The following RIOX2 variants were observed in gnomAD, a reference collection of about 807,000 sequenced individuals.
RIOX2 encodes ribosomal oxygenase 2, also known as 60S ribosomal protein L27a histidine hydroxylase.
RIOX2 carries 43 observed loss-of-function variants against 51.2 expected under a neutral mutation model. That is an observed-to-expected ratio of 0.84 (90% CI 0.66 to 1.08). The LOEUF is 1.08. RIOX2 is among the 50% of genes least tolerant of loss of function. The pLI is 0.00. For synonymous variants in RIOX2, 226 were observed against 218.5 expected, an observed-to-expected ratio of 1.03 and a Z score of -0.30; for missense variants, 566 against 561.7, an observed-to-expected ratio of 1.01 and a Z score of -0.08.
chr3:97,954,938 C>A (rs1705397725), intron 4 of RIOX2, among the ~76,000 whole-genome samples: 1 of 152,142 alleles, frequency 6.6e-6, no homozygotes, highest in African/African-American at 2.4e-5. Flanking sequence ...CTGCCCAAAG[C>A]CTCAGTTTCT....
chr3:97,943,059 T>G lies in RIOX2; in HGVS notation c.*2125A>C. ...AGTCATAATAAGGTCCAATTTGAGG[T>G]GAATAATGGCTAAGCCTGTTCAAAC... On this transcript the variant is annotated 3_prime_UTR_variant, in exon 10 of 10. Coordinates refer to ENST00000394198, the MANE Select transcript of RIOX2 (RefSeq NM_153182.4). 1 of 577,178 alleles carries G rather than the reference T, an allele frequency of 1.7e-6. No homozygotes were observed. Among genetic ancestry groups the G allele is most frequent in the East Asian group, 2.9e-5 (1 of 33,952 alleles). The allele number at this position is 577,178 out of a possible 1,614,324, so 35.8% of individuals were successfully genotyped here.
chr3:97,963,387 C>T (rs1705756486), intron 2 of RIOX2, among the ~76,000 whole-genome samples: 1 of 152,206 alleles, frequency 6.6e-6, no homozygotes. Flanking sequence ...TCTGACCTCC[C>T]AAAGTGCTGG....
intron 6 of RIOX2, 119 bp downstream of exon 6, chr3:97,950,664 TGCA>T: frequency 2.7e-6 from 2 of 740,570 alleles, no homozygotes; most frequent in Non-Finnish European, 4.7e-6. Context: ...AGCTCAGCAG[TGCA>T]GCACAGTAGA....
At position 97,967,632 on chromosome 3, in the gene RIOX2, C is replaced by A; in HGVS notation, c.-39G>T. On this transcript the variant is annotated splice_region_variant and 5_prime_UTR_variant, in exon 2 of 10. Coordinates refer to ENST00000394198, the MANE Select transcript of RIOX2 (RefSeq NM_153182.4). ...AGACAAAGCAGTAAGGAAATGCAAA[C>A]CTACCAAAAGAACAAAACACACATG... 2 of 1,517,024 alleles carry A rather than the reference C, an allele frequency of 1.3e-6. No individual in the cohort carries two copies. Among genetic ancestry groups the A allele is most frequent in the Non-Finnish European group, 1.8e-6 (2 of 1,140,796 alleles). 94.0% of individuals were successfully genotyped at this position (1,517,024 alleles called of 1,614,324 possible).
chr3:97,968,335 A>G (rs1705981816), intron 1 of RIOX2, among the ~76,000 whole-genome samples: 2 of 152,256 alleles, frequency 1.3e-5, no homozygotes, highest in East Asian at 3.8e-4. Context: ...AGTGAAGGCT[A>G]AAAGTAGTTA....
At chr3:97,957,421 G>A (rs745362728) in intron 4 of RIOX2, among the ~76,000 whole-genome samples, 4 of 151,812 alleles carry the variant, frequency 2.6e-5, no homozygotes, top group Non-Finnish European at 4.4e-5. Flanking sequence ...GCTTGAACCC[G>A]GGAGGCGGAG....
intron 2 of RIOX2, among the ~76,000 whole-genome samples, chr3:97,962,154 T>A (rs947826599): frequency 6.6e-6 from 1 of 151,924 alleles, no homozygotes. Context: ...AAGAGTGGGA[T>A]GCACTCTAGA....
intron 2 of RIOX2, among the ~76,000 whole-genome samples, chr3:97,961,915 G>A (rs554958191): frequency 3.3e-5 from 5 of 152,186 alleles, no homozygotes; most frequent in East Asian, 1.9e-4. Flanking sequence ...TGTAACAGAC[G>A]TGAACAGATA....
In RIOX2 at chr3:97,943,219, A is replaced by G. The variant is rs1234853237; in HGVS notation, c.*1965T>C. 1 of 1,514,062 alleles carries G rather than the reference A, an allele frequency of 6.6e-7. No individual in the cohort carries two copies. Among genetic ancestry groups the G allele is most frequent in the African/African-American group, 1.4e-5 (1 of 71,568 alleles). 93.8% of individuals were successfully genotyped at this position (1,514,062 alleles called of 1,614,324 possible). The stretch of plus-strand genomic sequence containing the variant: ...AATAATCTTTTCTTTTGGAATTTCT[A>G]TTTTAGGAGGAAATTATTGTGACAA... On this transcript the variant is annotated 3_prime_UTR_variant, in exon 10 of 10. Transcript: ENST00000394198.
At chr3:97,961,768 TAAG>T (rs1705684817) in intron 2 of RIOX2, 60 bp from the exon 3 acceptor site, 1 of 1,516,046 alleles carries the variant, frequency 6.6e-7, no homozygotes, top group African/African-American at 1.4e-5. Flanking sequence ...GTATTAGAAA[TAAG>T]AATAAGAGCA....
intron 2 of RIOX2, among the ~76,000 whole-genome samples, chr3:97,965,448 G>A (rs1307284573): frequency 1.3e-5 from 2 of 151,478 alleles, no homozygotes; most frequent in Admixed American, 6.6e-5. Flanking sequence ...GGAGGCAGAG[G>A]TTGCAGTGAG....
intron 7 of RIOX2, 56 bp downstream of exon 7, chr3:97,949,788 A>C (rs1030175766): frequency 5.9e-5 from 90 of 1,533,050 alleles, no homozygotes; most frequent in Admixed American, 2.7e-4. Context: ...ACCCAGAAAA[A>C]CCGTAAACAT....
chr3:97,958,136 T>C (rs1705523452), intron 4 of RIOX2, among the ~76,000 whole-genome samples: 1 of 152,190 alleles, frequency 6.6e-6, no homozygotes, highest in Non-Finnish European at 1.5e-5. Flanking sequence ...TTCCCTTAGT[T>C]ACTGGGAGGT....
At chr3:97,962,341 G>A in intron 2 of RIOX2, among the ~76,000 whole-genome samples, 1 of 129,106 alleles carries the variant, frequency 7.7e-6, no homozygotes, top group Non-Finnish European at 1.6e-5. Context: ...GGAATGTTAA[G>A]TTTGGAATGC....
intron 7 of RIOX2, 93 bp downstream of exon 7, chr3:97,949,751 A>G: frequency 8.7e-7 from 1 of 1,151,452 alleles, no homozygotes; most frequent in Admixed American, 2.2e-5. Flanking sequence ...AGCACTTCAT[A>G]CTTTCCATCT....
At chr3:97,962,583 A>G (rs1279856989) in intron 2 of RIOX2, among the ~76,000 whole-genome samples, 1 of 152,152 alleles carries the variant, frequency 6.6e-6, no homozygotes, top group East Asian at 1.9e-4. Context: ...CATCAGACTT[A>G]GGGGCCTAGC....
At chr3:97,946,005 A>G in intron 8 of RIOX2, 118 bp from the exon 9 acceptor site, 1 of 686,064 alleles carries the variant, frequency 1.5e-6, no homozygotes, top group South Asian at 1.7e-5. Context: ...TTGGTGCTCA[A>G]GTGAAATTTA....
chr3:97,960,730 G>A (rs1029492276), intron 3 of RIOX2, among the ~76,000 whole-genome samples: 3 of 152,090 alleles, frequency 2.0e-5, no homozygotes, highest in South Asian at 2.1e-4. Context: ...TTAGAGCCTC[G>A]CTGAGTTCTT....
At position 97,959,068 on chromosome 3, in the gene RIOX2, G is replaced by T; in HGVS notation, c.664C>A (p.His222Asn). ...TCACATACCTTCAGCATAAACTCAT[G>T]CACCGGCCTGCCGATCCTTTCCTCG... ...EAEERIGRPV[H>N]EFMLKPGDLL... Residue 222 changes from histidine (H) to asparagine (N), a missense_variant, in exon 4 of 10, where the codon CAT becomes AAT. By Grantham distance (68) the His-to-Asn change is moderately conservative. Coordinates refer to ENST00000394198, the MANE Select transcript of RIOX2 (RefSeq NM_153182.4). 1 of 1,613,306 alleles carries T rather than the reference G, an allele frequency of 6.2e-7. No homozygotes were observed. Among genetic ancestry groups the T allele is most frequent in the Non-Finnish European group, 8.5e-7 (1 of 1,179,594 alleles).
Sources: allele counts gnomAD v4.1 joint callset (sites outside exome capture counted in the v4.1 genomes callset), GRCh38; gene constraint gnomAD v4.1.1; transcripts MANE v1.5; gene names NCBI Gene and HGNC (gene_info 2026-07-23, HGNC 2026-07-21).